Variants in TRIM44 observed in about 807,000 individuals in gnomAD.
The protein encoded by TRIM44 is tripartite motif containing 44.
In TRIM44, 13 loss-of-function variants were observed where a neutral mutation model predicts 37.4. The observed-to-expected ratio is 0.35, with a 90% confidence interval of 0.23 to 0.55. The LOEUF is 0.55. Ranked by LOEUF, TRIM44 falls within the 20% of genes least tolerant of loss-of-function variation. The pLI is 0.89. For missense variants in TRIM44, 426 were observed against 437.2 expected (o/e 0.97, Z 0.23); for synonymous variants, 175 against 157.2 (o/e 1.11, Z -0.85).
intron 2 of TRIM44, among the ~76,000 whole-genome samples, chr11:35,714,315 GA>G (rs1437528034): frequency 1.3e-5 from 2 of 152,042 alleles, no homozygotes; most frequent in Admixed American, 6.6e-5. Context: ...GTTAAGTTTA[GA>G]AAAATATCTA....
At chr11:35,755,948 A>C (rs1051627369) in intron 4 of TRIM44, among the ~76,000 whole-genome samples, 3 of 151,796 alleles carry the variant, frequency 2.0e-5, no homozygotes, top group Non-Finnish European at 4.4e-5. Flanking sequence ...TGATGCCTCC[A>C]GCTTTGTTCT....
chr11:35,746,836 G>A (rs987608005), intron 4 of TRIM44, among the ~76,000 whole-genome samples: 3 of 152,128 alleles, frequency 2.0e-5, no homozygotes, highest in Non-Finnish European at 2.9e-5. Context: ...GGAGTTCAGC[G>A]AAGAAAAACA....
At chr11:35,776,551 AG>A (rs1450452085) in intron 4 of TRIM44, among the ~76,000 whole-genome samples, 2 of 152,110 alleles carry the variant, frequency 1.3e-5, no homozygotes. Context: ...TTGTGATGTT[AG>A]GGTGTCAATT....
At chr11:35,759,093 G>A (rs767618019) in intron 4 of TRIM44, among the ~76,000 whole-genome samples, 1 of 152,162 alleles carries the variant, frequency 6.6e-6, no homozygotes, top group Non-Finnish European at 1.5e-5. Context: ...CCTGCAGAGT[G>A]TTTTCCAACT....
rs558033691 is a variant in TRIM44 at position 35,746,117 on chromosome 11, C to T, written c.1007+10672C>T. Among the ~76,000 whole-genome samples, 9 of 152,278 alleles carry T rather than the reference C, an allele frequency of 5.9e-5. No homozygotes were observed. The East Asian group carries it at 1.5e-3, about 26-fold the overall frequency. ...TGATGTGAAGGAATGCCACATTGGT[C>T]CCTGAGTTAGATCCAATGCTGAGGA... On this transcript the variant is annotated intron_variant, in intron 4 of 4. Coordinates refer to ENST00000299413, the MANE Select transcript of TRIM44 (RefSeq NM_017583.6).
intron 4 of TRIM44, among the ~76,000 whole-genome samples, chr11:35,763,412 G>C (rs535150865): frequency 6.6e-6 from 1 of 152,332 alleles, no homozygotes; most frequent in African/African-American, 2.4e-5. Flanking sequence ...TTAGTGAGTG[G>C]CTGTATTTGA....
intron 4 of TRIM44, among the ~76,000 whole-genome samples, chr11:35,773,030 T>C (rs1384305377): frequency 6.6e-6 from 1 of 152,164 alleles, no homozygotes; most frequent in Non-Finnish European, 1.5e-5. Context: ...ATGGAGGTGG[T>C]TTCCCCCATG....
chr11:35,760,578 T>G (rs1248344581), intron 4 of TRIM44, among the ~76,000 whole-genome samples: 1 of 152,250 alleles, frequency 6.6e-6, no homozygotes, highest in Non-Finnish European at 1.5e-5. Flanking sequence ...ACTCGTCTTC[T>G]GCGTCACTCA....
At chr11:35,798,949 A>G (rs1853330172) in intron 4 of TRIM44, among the ~76,000 whole-genome samples, 2 of 152,184 alleles carry the variant, frequency 1.3e-5, no homozygotes, top group African/African-American at 4.8e-5. Context: ...TTTTTTATGG[A>G]ACCAATACTT....
chr11:35,798,102 A>C lies in TRIM44; in HGVS notation c.1008-8256A>C, dbSNP rs11033279. Among the ~76,000 whole-genome samples, 2,127 of 152,294 alleles carry C rather than the reference A, an allele frequency of 0.014. 118 individuals are homozygous for C. The East Asian group carries it at 0.14, about 10-fold the overall frequency. Reference sequence around the variant, plus strand: ...TAAGATATACATTGGTTCGGTCCAGAAAGGCAGGACAACTTGAAGTGGGGA... The same window carrying C: ...TAAGATATACATTGGTTCGGTCCAGCAAGGCAGGACAACTTGAAGTGGGGA... On this transcript the variant is annotated intron_variant, in intron 4 of 4. Coordinates refer to ENST00000299413, the MANE Select transcript of TRIM44 (RefSeq NM_017583.6).
intron 2 of TRIM44, among the ~76,000 whole-genome samples, chr11:35,685,623 G>T (rs1302868255): frequency 6.6e-6 from 1 of 151,984 alleles, no homozygotes; most frequent in Non-Finnish European, 1.5e-5. Context: ...TTGGTCCTCT[G>T]TGTCCATTAG....
rs192311116 is a variant in TRIM44, at chr11:35,772,377, G to C, written c.1008-33981G>C. ...GTGAGAAGAGGGCCACCATCCTCCAGACCCCAGAATGGTAGATCACCGACA... is the reference window on the plus strand; with the variant it reads ...GTGAGAAGAGGGCCACCATCCTCCACACCCCAGAATGGTAGATCACCGACA... On this transcript the variant is annotated intron_variant, in intron 4 of 4. Coordinates refer to ENST00000299413, the MANE Select transcript of TRIM44 (RefSeq NM_017583.6). Among the ~76,000 whole-genome samples, 39 of 152,294 alleles carry C rather than the reference G, an allele frequency of 2.6e-4. No individual in the cohort carries two copies. In the East Asian group the frequency reaches 6.6e-3, roughly 26 times the overall value.
chr11:35,766,787 A>C (rs1168152496), intron 4 of TRIM44, among the ~76,000 whole-genome samples: 1 of 152,206 alleles, frequency 6.6e-6, no homozygotes, highest in Non-Finnish European at 1.5e-5. Flanking sequence ...CTCTTCCCTG[A>C]TTCAAAAAAT....
At chr11:35,681,014 G>C (rs2135488492) in intron 1 of TRIM44, among the ~76,000 whole-genome samples, 1 of 151,758 alleles carries the variant, frequency 6.6e-6, no homozygotes, top group South Asian at 2.1e-4. Context: ...CTGTATTCTT[G>C]ATACCATGTA....
At chr11:35,731,709 C>T (rs1346430785) in intron 3 of TRIM44, among the ~76,000 whole-genome samples, 1 of 151,894 alleles carries the variant, frequency 6.6e-6, no homozygotes, top group African/African-American at 2.4e-5. Context: ...ATTTATATGT[C>T]ATGAGCATTT....
chr11:35,754,264 C>T (rs79263817), intron 4 of TRIM44, among the ~76,000 whole-genome samples: 1 of 152,202 alleles, frequency 6.6e-6, no homozygotes, highest in South Asian at 2.1e-4. Context: ...GAAATCCTCA[C>T]ATGAGTAAAC....
Position 35,810,681 on chromosome 11 carries a change from C to T in TRIM44, c.*4296C>T, listed in dbSNP as rs1297421001. The T allele has an allele frequency of 6.6e-6, 1 of 152,146 alleles. No homozygotes were observed. The highest frequency in any genetic ancestry group is 1.5e-5 in the Non-Finnish European group (1 of 68,030). The allele number at this position is 152,146 out of a possible 1,614,324, so 9.4% of individuals were successfully genotyped here. On this transcript the variant is annotated 3_prime_UTR_variant, in exon 5 of 5. Coordinates refer to ENST00000299413, the MANE Select transcript of TRIM44 (RefSeq NM_017583.6). ...GGATACATTGGTGCAAAAAAAGCCA[C>T]GGAGCCCATACTGGGCTTGATATGA...
chr11:35,722,244 A>G (rs966323809), intron 2 of TRIM44, among the ~76,000 whole-genome samples: 2 of 152,240 alleles, frequency 1.3e-5, no homozygotes, highest in African/African-American at 4.8e-5. Flanking sequence ...ACTCTATTTC[A>G]TGCAGTCTAC....
intron 1 of TRIM44, among the ~76,000 whole-genome samples, chr11:35,667,148 G>C (rs1851341444): frequency 6.6e-6 from 1 of 152,134 alleles, no homozygotes; most frequent in African/African-American, 2.4e-5. Context: ...AAAAATTCTA[G>C]TCCTGGTTTG....
Sources: gnomAD v4.1 joint callset for allele counts (sites outside exome capture counted in the v4.1 genomes callset) on GRCh38, gnomAD v4.1.1 for gene constraint, MANE v1.5 for transcripts, NCBI Gene and HGNC (gene_info 2026-07-23, HGNC 2026-07-21) for gene names.